Variants in SLC25A33 observed in about 807,000 individuals in gnomAD.
SLC25A33 encodes the protein bone marrow stromal cell mitochondrial carrier protein.
Under a neutral mutation model 35.5 loss-of-function variants are expected in SLC25A33, and 15 were observed. The observed-to-expected ratio is 0.42, with a 90% CI of 0.28 to 0.65. SLC25A33 has a LOEUF of 0.65. Among genes scored for constraint, SLC25A33 ranks in the 30% least tolerant of loss-of-function variants. The pLI is 0.20. For missense variants in SLC25A33, 257 were observed against 398.5 expected, an observed-to-expected ratio of 0.64 and a Z score of 3.02; for synonymous variants, 136 against 148.7, an observed-to-expected ratio of 0.91 and a Z score of 0.62.
chr1:9,571,723 C>T (rs1643593029), intron 4 of SLC25A33, among the ~76,000 whole-genome samples: 1 of 152,066 alleles, frequency 6.6e-6, no homozygotes, highest in South Asian at 2.1e-4. Flanking sequence ...CTGCAACCCC[C>T]ACCTCCTGGG....
intron 5 of SLC25A33, among the ~76,000 whole-genome samples, chr1:9,577,385 CAGG>C (rs536193528): frequency 1.5e-3 from 228 of 152,160 alleles, no homozygotes; most frequent in African/African-American, 4.8e-3. Context: ...GAGGCTGAAG[CAGG>C]AGAATTGCTT....
chr1:9,581,671 G>A (rs1643746469), intron 6 of SLC25A33, among the ~76,000 whole-genome samples: 1 of 151,186 alleles, frequency 6.6e-6, no homozygotes, highest in Admixed American at 6.6e-5. Context: ...AGAGGTTGCA[G>A]TGAGCCAAGA....
chr1:9,542,916 A>G (rs1432740230), intron 1 of SLC25A33, among the ~76,000 whole-genome samples: 1 of 149,742 alleles, frequency 6.7e-6, no homozygotes, highest in Non-Finnish European at 1.5e-5. Context: ...GGGTTGAAGC[A>G]ATTTGATTCG....
At chr1:9,564,793 A>G (rs1399832542) in intron 2 of SLC25A33, among the ~76,000 whole-genome samples, 3 of 145,702 alleles carry the variant, frequency 2.1e-5, no homozygotes, top group African/African-American at 7.5e-5. Flanking sequence ...GCGTGGTGGC[A>G]CTCACCTGTA....
chr1:9,576,091 C>T (rs992250464), intron 5 of SLC25A33, among the ~76,000 whole-genome samples: 1 of 152,182 alleles, frequency 6.6e-6, no homozygotes, highest in Non-Finnish European at 1.5e-5. Flanking sequence ...TATATGTATT[C>T]TTGTCATTCT....
intron 1 of SLC25A33, among the ~76,000 whole-genome samples, chr1:9,551,947 A>C (rs937467231): frequency 6.6e-6 from 1 of 152,220 alleles, no homozygotes; most frequent in African/African-American, 2.4e-5. Context: ...ATTGTTAATT[A>C]TAACTAGCCC....
At chr1:9,545,564 A>AT (rs1333010330) in intron 1 of SLC25A33, among the ~76,000 whole-genome samples, 33 of 148,162 alleles carry the variant, frequency 2.2e-4, no homozygotes, top group African/African-American at 3.0e-4. Context: ...CGCCTGGCTA[A>AT]TTTTTTTTTT....
At chr1:9,577,533 G>A (rs9430155) in intron 5 of SLC25A33, among the ~76,000 whole-genome samples, 20,174 of 152,182 alleles carry the variant, frequency 0.13, 1,846 homozygotes, top group Non-Finnish European at 0.19. Context: ...CTGGGGAGCC[G>A]TAAGACAGGG....
In SLC25A33 at chr1:9,585,037, C is replaced by G. The variant is rs1319051404; in HGVS notation, c.*2536C>G. ...ATATTCACATTCCTATTTTAATATT[C>G]ATATTCGATGATGGCACTTAGCAAC... On this transcript the variant is annotated 3_prime_UTR_variant, in exon 7 of 7. Transcript: ENST00000302692. The G allele has an allele frequency of 6.6e-6, 1 of 152,186 alleles. No individual in the cohort carries two copies. Among genetic ancestry groups the G allele is most frequent in the Non-Finnish European group, 1.5e-5 (1 of 68,036 alleles). 9.4% of individuals were successfully genotyped at this position (152,186 alleles called of 1,614,324 possible). A position where few individuals can be genotyped will look rare whatever the true frequency, so the allele number is the denominator to read the frequency against.
At chr1:9,569,915 C>T (rs1372289812) in intron 3 of SLC25A33, among the ~76,000 whole-genome samples, 1 of 144,870 alleles carries the variant, frequency 6.9e-6, no homozygotes, top group Non-Finnish European at 1.5e-5. Context: ...ATTCTAGAAA[C>T]AAAAAAAAAA....
chr1:9,559,592 G>A (rs921294427), intron 2 of SLC25A33, among the ~76,000 whole-genome samples: 2 of 151,528 alleles, frequency 1.3e-5, no homozygotes, highest in African/African-American at 4.8e-5. Context: ...TGTGAAGAAA[G>A]CATACTCTTC....
chr1:9,550,671 A>C (rs1331830191), intron 1 of SLC25A33, among the ~76,000 whole-genome samples: 1 of 151,850 alleles, frequency 6.6e-6, no homozygotes, highest in Non-Finnish European at 1.5e-5. Context: ...TTTATTAATT[A>C]ATTAATTAAT....
At chr1:9,550,496 G>A (rs769964068) in intron 1 of SLC25A33, among the ~76,000 whole-genome samples, 13 of 151,920 alleles carry the variant, frequency 8.6e-5, no homozygotes, top group East Asian at 1.9e-4. Context: ...TTACGTTATC[G>A]AACACAAATA....
At chr1:9,568,857 G>A (rs1343420659) in intron 3 of SLC25A33, among the ~76,000 whole-genome samples, 1 of 148,034 alleles carries the variant, frequency 6.8e-6, no homozygotes, top group African/African-American at 2.5e-5. Flanking sequence ...AAAAAAAAAA[G>A]AGAAAATGAA....
At chr1:9,569,976 C>G (rs1051343678) in intron 3 of SLC25A33, among the ~76,000 whole-genome samples, 2 of 152,090 alleles carry the variant, frequency 1.3e-5, no homozygotes, top group Non-Finnish European at 2.9e-5. Context: ...TTATCCAGAA[C>G]GAAGAATGTA....
intron 2 of SLC25A33, among the ~76,000 whole-genome samples, chr1:9,560,244 T>TC (rs915666851): frequency 1.3e-4 from 18 of 139,458 alleles, no homozygotes; most frequent in Middle Eastern, 3.8e-3. Context: ...AGAGCGAGAC[T>TC]CCATCTCAAA....
At chr1:9,574,417 G>C (rs1252526387) in intron 5 of SLC25A33, among the ~76,000 whole-genome samples, 1 of 152,168 alleles carries the variant, frequency 6.6e-6, no homozygotes, top group South Asian at 2.1e-4. Context: ...AAATACACTT[G>C]TCAGTGATAC....
At position 9,541,733 on chromosome 1, in the gene SLC25A33, T is replaced by TA. The variant is rs763050739; in HGVS notation, c.56+2002dup. Among the ~76,000 whole-genome samples, 793 of 136,366 alleles carry TA rather than the reference T, an allele frequency of 5.8e-3. 4 individuals are homozygous for TA. The highest frequency in any genetic ancestry group is 0.014 in the African/African-American group (507 of 37,426). 89.5% of individuals were successfully genotyped at this position (136,366 alleles called of 152,430 possible). On this transcript the variant is annotated intron_variant, in intron 1 of 6. Coordinates refer to ENST00000302692, the MANE Select transcript of SLC25A33 (RefSeq NM_032315.3). ...GTTTTTTAAGCCAAGAAGGATCATT[T>TA]AAAAAAAAAAAAAAAAGGAATTTCT...
At chr1:9,570,167 T>A in intron 3 of SLC25A33, 91 bp from the exon 4 acceptor site, 1 of 1,182,700 alleles carries the variant, frequency 8.5e-7, no homozygotes, top group East Asian at 2.4e-5. Context: ...TCTTTCCCAT[T>A]TTATTTTCCG....
Sources: allele counts gnomAD v4.1 joint callset (sites outside exome capture counted in the v4.1 genomes callset), GRCh38; gene constraint gnomAD v4.1.1; transcripts MANE v1.5; gene names NCBI Gene and HGNC (gene_info 2026-07-23, HGNC 2026-07-21).